Variants in PRELID3A observed in about 807,000 individuals in gnomAD.
PRELID3A encodes the protein PRELI domain containing protein 3A.
Under a neutral mutation model 23.0 loss-of-function variants are expected in PRELID3A, and 27 were observed. The observed-to-expected ratio is 1.17, with a 90% confidence interval of 0.87 to 1.62. PRELID3A has a LOEUF of 1.62. Ranked by LOEUF, PRELID3A falls within the 40% of genes most tolerant of loss-of-function variation. The probability of loss-of-function intolerance (pLI) is 0.00; values close to 1 mark genes in which losing one functional copy is unlikely to be tolerated. For synonymous variants in PRELID3A, 87 were observed against 86.4 expected (o/e 1.01, Z -0.04); for missense variants, 231 against 231.4 (o/e 1.00, Z 0.01).
chr18:12,416,002 C>G (rs1214015248), intron 1 of PRELID3A, among the ~76,000 whole-genome samples: 2 of 152,210 alleles, frequency 1.3e-5, no homozygotes, highest in Non-Finnish European at 2.9e-5. Context: ...CTCCTGCCGC[C>G]TGGTTGGGGA....
At chr18:12,422,549 A>G (rs985044087) in intron 3 of PRELID3A, among the ~76,000 whole-genome samples, 19 of 151,642 alleles carry the variant, frequency 1.3e-4, no homozygotes, top group African/African-American at 4.4e-4. Context: ...AGTAAACAGG[A>G]GGTTTCACCA....
intron 1 of PRELID3A, among the ~76,000 whole-genome samples, chr18:12,413,826 C>T (rs933103958): frequency 9.3e-4 from 142 of 152,160 alleles, no homozygotes; most frequent in Non-Finnish European, 1.5e-3. Flanking sequence ...TCAGGTGATC[C>T]GCCTGCCTTG....
At chr18:12,414,266 A>T (rs1314780158) in intron 1 of PRELID3A, among the ~76,000 whole-genome samples, 1 of 152,132 alleles carries the variant, frequency 6.6e-6, no homozygotes, top group Non-Finnish European at 1.5e-5. Flanking sequence ...TTGGCCATTT[A>T]CTCACAGATG....
intron 1 of PRELID3A, among the ~76,000 whole-genome samples, chr18:12,416,299 TTTG>T (rs34515430): frequency 1.2e-4 from 18 of 152,058 alleles, no homozygotes; most frequent in African/African-American, 3.4e-4. Context: ...TTTCTGGGTT[TTTG>T]TTGTTGTTGT....
intron 1 of PRELID3A, among the ~76,000 whole-genome samples, chr18:12,417,043 A>G (rs1304856170): frequency 2.0e-5 from 3 of 151,926 alleles, no homozygotes; most frequent in Non-Finnish European, 2.9e-5. Flanking sequence ...TATGTTTATC[A>G]TTTTCCTCCA....
At position 12,430,358 on chromosome 18, in the gene PRELID3A, A is replaced by G. The variant is rs200387174; in HGVS notation, c.*34-792A>G. Among the ~76,000 whole-genome samples the G allele has an allele frequency of 3.3e-5, 4 of 120,288 alleles. No homozygotes were observed. In the East Asian group the frequency reaches 1.3e-3, roughly 40 times the overall value. 78.9% of individuals were successfully genotyped at this position (120,288 alleles called of 152,430 possible). A position where few individuals can be genotyped will look rare whatever the true frequency, so the allele number is the denominator to read the frequency against. ...TGTGTGCTGTGCGTGGTATGTATAT[A>G]TGTGTGTGTGGTGTGTGTGTGTGTG... is the stretch of plus-strand genomic sequence containing the variant. On this transcript the variant is annotated intron_variant, in intron 6 of 6. Coordinates refer to ENST00000440960, the MANE Select transcript of PRELID3A (RefSeq NM_001142405.2).
At position 12,420,344 on chromosome 18, in the gene PRELID3A, A is replaced by G; in HGVS notation, c.52A>G (p.Ile18Val). The G allele has an allele frequency of 6.2e-6, 10 of 1,610,530 alleles. No homozygotes were observed. Among genetic ancestry groups the G allele is most frequent in the Non-Finnish European group, 8.5e-6 (10 of 1,178,986 alleles). The change falls in exon 2 of 7, where the codon ATC (isoleucine) becomes GTC (valine). Residue 18 changes from isoleucine (I) to valine (V), a missense_variant. Transcript: ENST00000440960. ...HVFGHPWDTVIQAAMRKYPNP... is the reference protein window; with the variant it reads ...HVFGHPWDTVVQAAMRKYPNP... ...CCGCAGCCACCCGTGGGACACGGTC[A>G]TCCAGGCGGCCATGCGCAAGTACCC... is the stretch of plus-strand genomic sequence containing the variant.
chr18:12,416,622 C>A (rs1412342108), intron 1 of PRELID3A, among the ~76,000 whole-genome samples: 1 of 150,888 alleles, frequency 6.6e-6, no homozygotes, highest in East Asian at 2.0e-4. Context: ...CCAGACAAGG[C>A]TATTTTCTTT....
intron 3 of PRELID3A, among the ~76,000 whole-genome samples, chr18:12,426,191 A>T (rs1482181122): frequency 1.3e-5 from 2 of 151,818 alleles, no homozygotes; most frequent in Admixed American, 1.3e-4. Context: ...GTGAGCCAAG[A>T]TCATGCCCCT....
chr18:12,421,393 A>G, intron 2 of PRELID3A, 147 bp from the exon 3 acceptor site: 2 of 632,142 alleles, frequency 3.2e-6, no homozygotes, highest in Non-Finnish European at 2.8e-6. Context: ...AGCGCCCTGG[A>G]CACAGGGGTT....
chr18:12,417,102 A>C (rs1240489094), intron 1 of PRELID3A, among the ~76,000 whole-genome samples: 1 of 152,174 alleles, frequency 6.6e-6, no homozygotes, highest in Non-Finnish European at 1.5e-5. Context: ...TAGTAAAATT[A>C]TTTATTATGT....
At chr18:12,420,081 G>C in intron 1 of PRELID3A, 1 of 1,374,506 alleles carries the variant, frequency 7.3e-7, no homozygotes, top group Non-Finnish European at 9.5e-7. Context: ...CTGCCTGCTG[G>C]GCGACAGAGT....
At chr18:12,420,118 C>A in intron 1 of PRELID3A, 1 of 1,420,504 alleles carries the variant, frequency 7.0e-7, no homozygotes, top group Non-Finnish European at 9.2e-7. Context: ...CAAACAAAAA[C>A]CAAGGGGCTG....
In PRELID3A at chr18:12,421,549, A is replaced by G; in HGVS notation, c.211A>G (p.Thr71Ala). ...LPSLVRAILG[T>A]SRTLTYIREH... is the part of the protein sequence containing the mutation. ...TTGCTTTGTTTTCTAGATTTTGGGA[A>G]CCAGTAGGACATTGACATACATCCG... Residue 71 changes from threonine (T) to alanine (A), a missense_variant, in exon 3 of 7, where the codon ACC becomes GCC. By Grantham distance (58) the Thr-to-Ala change is moderately conservative (BLOSUM62 0). Transcript: ENST00000440960. 1 of 1,612,290 alleles carries G rather than the reference A, an allele frequency of 6.2e-7. No homozygotes were observed. Among genetic ancestry groups the G allele is most frequent in the Non-Finnish European group, 8.5e-7 (1 of 1,178,434 alleles).
intron 3 of PRELID3A, 68 bp downstream of exon 3, chr18:12,421,697 TA>T: frequency 9.7e-7 from 1 of 1,026,584 alleles, no homozygotes. Flanking sequence ...GGCCTTCGTT[TA>T]ATTCTATTTC....
At chr18:12,416,791 G>A (rs1380537201) in intron 1 of PRELID3A, among the ~76,000 whole-genome samples, 38 of 151,740 alleles carry the variant, frequency 2.5e-4, no homozygotes, top group East Asian at 3.9e-4. Flanking sequence ...GACTACAGAC[G>A]CCTGCCACCG....
intron 3 of PRELID3A, among the ~76,000 whole-genome samples, chr18:12,425,926 C>A (rs1349928256): frequency 2.6e-5 from 4 of 151,356 alleles, no homozygotes; most frequent in Non-Finnish European, 4.4e-5. Flanking sequence ...GGCAACAGAA[C>A]AAGACTCTGT....
chr18:12,430,487 G>C (rs1026391966), intron 6 of PRELID3A, among the ~76,000 whole-genome samples: 10 of 143,914 alleles, frequency 6.9e-5, no homozygotes, highest in Non-Finnish European at 1.5e-4. Context: ...TGGTGTGTGT[G>C]TGTGGTGTGT....
intron 1 of PRELID3A, among the ~76,000 whole-genome samples, chr18:12,415,756 CCTT>C (rs2029928142): frequency 1.3e-5 from 2 of 152,200 alleles, no homozygotes; most frequent in Admixed American, 6.5e-5. Context: ...GTAATTTCCT[CCTT>C]CTTCATCTTC....
Sources: gnomAD v4.1 joint callset for allele counts (sites outside exome capture counted in the v4.1 genomes callset) on GRCh38, gnomAD v4.1.1 for gene constraint, MANE v1.5 for transcripts, NCBI Gene and HGNC (gene_info 2026-07-23, HGNC 2026-07-21) for gene names.